CAGE1: variants seen among roughly 807,000 people sequenced by gnomAD.
CAGE1 encodes the protein cancer antigen 1.
A neutral mutation model predicts 94.9 loss-of-function variants in CAGE1; 66 were observed. That is an observed-to-expected ratio of 0.70 (90% CI 0.57 to 0.85). The LOEUF is 0.85. Among genes scored for constraint, CAGE1 ranks in the 40% least tolerant of loss-of-function variants. The probability of loss-of-function intolerance (pLI) is 0.00; values close to 1 mark genes in which losing one functional copy is unlikely to be tolerated. For missense variants in CAGE1, 865 were observed against 950.4 expected, an observed-to-expected ratio of 0.91 and a Z score of 1.18; for synonymous variants, 319 against 321.0, an observed-to-expected ratio of 0.99 and a Z score of 0.07.
In CAGE1 at chr6:7,362,870, C is replaced by T. The variant is rs1760206725; in HGVS notation, c.2193+2598G>A. Among the ~76,000 whole-genome samples the T allele has an allele frequency of 1.3e-5, 2 of 152,200 alleles. No homozygotes were observed. Among genetic ancestry groups the T allele is most frequent in the African/African-American group, 4.8e-5 (2 of 41,462 alleles). On this transcript the variant is annotated intron_variant, in intron 9 of 13. Transcript: ENST00000502583. This position sits in a 1 kb window ranked among gnomAD's most constrained non-coding sequence, Gnocchi z 4.1. ...CCATTACTGTTTTATCTTTCTCCAA[C>T]CCTGCCCCTACACCTACTATGCCAC...
At position 7,368,716 on chromosome 6, in the gene CAGE1, TG is replaced by T; in HGVS notation, c.1975del (p.His659IlefsTer7). ...TTTATCTAAAGTTTTCTTTTTAAGATGGAGGCTCTTCAGTTTTTGCAGCATT... is the reference window on the plus strand; with the variant it reads ...TTTATCTAAAGTTTTCTTTTTAAGATGAGGCTCTTCAGTTTTTGCAGCATT... Reference protein sequence around the residue: ...DIMLQKLKSLHLKKKTLDKEL... With the variant: ...DIMLQKLKSLXLKKKTLDKEL... On this transcript the variant is annotated frameshift_variant, in exon 7 of 14. Coordinates refer to ENST00000502583, the MANE Select transcript of CAGE1 (RefSeq NM_001170692.2). LOFTEE classifies it high-confidence loss of function. The T allele has an allele frequency of 1.3e-6, 2 of 1,538,338 alleles. No individual in the cohort carries two copies. Among genetic ancestry groups the T allele is most frequent in the Non-Finnish European group, 8.8e-7 (1 of 1,138,914 alleles).
Position 7,368,714 on chromosome 6 carries a change from G to T in CAGE1, c.1978C>A (p.Leu660Ile). 6.5e-7 allele frequency: 1 copy of T among 1,534,294 alleles called. No individual in the cohort carries two copies. Among genetic ancestry groups the T allele is most frequent in the Non-Finnish European group, 8.8e-7 (1 of 1,136,346 alleles). ...IMLQKLKSLHLKKKTLDKELL... is the reference protein window; with the variant it reads ...IMLQKLKSLHIKKKTLDKELL... ...TCTTTATCTAAAGTTTTCTTTTTAAGATGGAGGCTCTTCAGTTTTTGCAGC... is the reference window on the plus strand; with the variant it reads ...TCTTTATCTAAAGTTTTCTTTTTAATATGGAGGCTCTTCAGTTTTTGCAGC... Residue 660 changes from leucine to isoleucine, a missense_variant, in exon 7 of 14, where the codon CTT becomes ATT. Physicochemically the swap from Leu to Ile is conservative, Grantham distance 5. Transcript: ENST00000502583.
Position 7,378,988 on chromosome 6 carries a change from G to C in CAGE1, c.316C>G (p.Leu106Val). ...NNIENYSTNA[L>V]IQPVDTISIS... The stretch of plus-strand genomic sequence containing the variant: ...CTGATGGTGTCAACTGGCTGAATTA[G>C]TGCATTCGTTGAGTAATTTTCAATG... Residue 106 changes from leucine to valine, a missense_variant, in exon 4 of 14, where the codon CTA becomes GTA. By Grantham distance (32) the Leu-to-Val change is conservative (BLOSUM62 1). Coordinates refer to ENST00000502583, the MANE Select transcript of CAGE1 (RefSeq NM_001170692.2). 2 of 1,543,166 alleles carry C rather than the reference G, an allele frequency of 1.3e-6. No homozygotes were observed. Among genetic ancestry groups the C allele is most frequent in the East Asian group, 2.4e-5 (1 of 42,168 alleles).
intron 9 of CAGE1, among the ~76,000 whole-genome samples, chr6:7,359,305 C>A (rs1760092157): frequency 6.6e-6 from 1 of 152,204 alleles, no homozygotes; most frequent in South Asian, 2.1e-4. Context: ...CCTCGGCCTC[C>A]CAAAGTGCTG....
chr6:7,364,768 A>G (rs976502930), intron 9 of CAGE1, among the ~76,000 whole-genome samples: 2 of 152,038 alleles, frequency 1.3e-5, no homozygotes, highest in Non-Finnish European at 2.9e-5. Context: ...GCGCCTGGTC[A>G]ATAATTACTT....
intron 3 of CAGE1, among the ~76,000 whole-genome samples, chr6:7,382,620 A>C (rs1441393292): frequency 6.6e-6 from 1 of 151,072 alleles, no homozygotes; most frequent in Non-Finnish European, 1.5e-5. Flanking sequence ...TCATGTCTTA[A>C]GAAATCTTAG....
At position 7,379,031 on chromosome 6, in the gene CAGE1, A is replaced by G; in HGVS notation, c.284-11T>C. 6.8e-7 allele frequency: 1 copy of G among 1,474,094 alleles called. No homozygotes were observed. The highest frequency in any genetic ancestry group is 1.4e-5 in the African/African-American group (1 of 70,376). The allele number at this position is 1,474,094 out of a possible 1,614,324, so 91.3% of individuals were successfully genotyped here. On this transcript the variant is annotated splice_polypyrimidine_tract_variant and intron_variant, in intron 3 of 13. Transcript: ENST00000502583. ...TTTCAATGTTGTTATCTCATAAGAA[A>G]GAGAAAGAAGGAAATAAAAACGAGT...
Position 7,365,505 on chromosome 6 carries a change from T to C in CAGE1, c.2156A>G (p.Asp719Gly), listed in dbSNP as rs1443206338. 3.1e-6 allele frequency: 5 copies of C among 1,613,580 alleles called. No individual in the cohort carries two copies. The highest frequency in any genetic ancestry group is 1.3e-5 in the African/African-American group (1 of 75,038). The change falls in exon 9 of 14, where the codon GAT becomes GGT. Residue 719 changes from aspartate to glycine, a missense_variant. Coordinates refer to ENST00000502583, the MANE Select transcript of CAGE1 (RefSeq NM_001170692.2). ...DVPTLLGAKL[D>G]KYHSLNEELD... ...CTCCTCATTTAGACTGTGGTACTTA[T>C]CCAGTTTGGCTCCCAGAAGGGTAGG...
chr6:7,349,946 AAGAAAG>A (rs1357266280), intron 11 of CAGE1, among the ~76,000 whole-genome samples: 18 of 66,824 alleles, frequency 2.7e-4, no homozygotes, highest in Admixed American at 2.4e-3. Flanking sequence ...AAAAAAAAAA[AAGAAAG>A]AAAGAAAGAA....
Position 7,339,776 on chromosome 6 carries a change from C to T in CAGE1, c.2370-5686G>A, listed in dbSNP as rs1296227240. On this transcript the variant is annotated intron_variant, in intron 11 of 13. Coordinates refer to ENST00000502583, the MANE Select transcript of CAGE1 (RefSeq NM_001170692.2). This position sits in a 1 kb window ranked among gnomAD's most constrained non-coding sequence, Gnocchi z 4.7. ...TCCTTTTTATGGCTGAATAGCATTC[C>T]GTGGTGTATATATATACCACAATTT... Among the ~76,000 whole-genome samples, 2 of 152,112 alleles carry T rather than the reference C, an allele frequency of 1.3e-5. No individual in the cohort carries two copies. The highest frequency in any genetic ancestry group is 2.9e-5 in the Non-Finnish European group (2 of 68,006).
chr6:7,365,784 G>T lies in CAGE1; in HGVS notation c.2085+20C>A, dbSNP rs547599964. 3 of 1,415,466 alleles carry T rather than the reference G, an allele frequency of 2.1e-6. No homozygotes were observed. Among genetic ancestry groups the T allele is most frequent in the African/African-American group, 1.4e-5 (1 of 69,338 alleles). The allele number at this position is 1,415,466 out of a possible 1,614,324, so 87.7% of individuals were successfully genotyped here. Reference sequence around the variant, plus strand: ...TATATTTTTATGTTAAAGATAGTACGTAGTAAATATTAAGCTCACCTTAAT... The same window carrying T: ...TATATTTTTATGTTAAAGATAGTACTTAGTAAATATTAAGCTCACCTTAAT... On this transcript the variant is annotated intron_variant, in intron 8 of 13. Transcript: ENST00000502583.
At chr6:7,380,106 T>G (rs183349559) in intron 3 of CAGE1, among the ~76,000 whole-genome samples, 235 of 152,270 alleles carry the variant, frequency 1.5e-3, no homozygotes, top group Middle Eastern at 6.8e-3. Flanking sequence ...GACTTGCTTT[T>G]TATTATAGCA....
Position 7,368,282 on chromosome 6 carries a change from A to G in CAGE1, c.2004+406T>C, listed in dbSNP as rs559221973. ...AAAAAAAAAAAAAAAAAATTAAAGA[A>G]AAGAGTAACTAAAGACAATCCAAGA... On this transcript the variant is annotated intron_variant, in intron 7 of 13. Coordinates refer to ENST00000502583, the MANE Select transcript of CAGE1 (RefSeq NM_001170692.2). 2.8e-4 allele frequency among the ~76,000 whole-genome samples: 43 copies of G among 151,670 alleles called. No individual in the cohort carries two copies. The East Asian group carries it at 7.5e-3, about 27-fold the overall frequency.
At chr6:7,343,190 CAA>C (rs769864903) in intron 11 of CAGE1, among the ~76,000 whole-genome samples, 1 of 113,482 alleles carries the variant, frequency 8.8e-6, no homozygotes, top group Non-Finnish European at 1.9e-5. Flanking sequence ...CTCTGTCCCA[CAA>C]AAAAAAAAAA....
intron 11 of CAGE1, among the ~76,000 whole-genome samples, chr6:7,334,993 A>T (rs1206982147): frequency 6.6e-6 from 1 of 152,162 alleles, no homozygotes; most frequent in Non-Finnish European, 1.5e-5. Context: ...GTTGGCAGGG[A>T]TGTCCACCCT....
At chr6:7,338,937 A>C (rs1195384637) in intron 11 of CAGE1, 23 of 1,607,074 alleles carry the variant, frequency 1.4e-5, no homozygotes, top group Non-Finnish European at 1.9e-5. Context: ...TTTGGGTTCC[A>C]CGATGCTCAC....
chr6:7,345,085 C>G (rs114000155), intron 11 of CAGE1, among the ~76,000 whole-genome samples: 7 of 152,104 alleles, frequency 4.6e-5, no homozygotes, highest in African/African-American at 7.3e-5. Context: ...TTCTTTCACC[C>G]TGCAGTAAAT....
rs1312321382 is a variant in CAGE1 at position 7,387,111 on chromosome 6, A to G, written c.63T>C (p.Asp21=). Residue 21 remains aspartate (D), a synonymous_variant, in exon 2 of 14, where the codon GAT becomes GAC. Transcript: ENST00000502583. ...TGCTTTCTACTTTTTCATGAGAAGTATCCACTTCAAAATGTACAGGATCTG... is the reference window on the plus strand; with the variant it reads ...TGCTTTCTACTTTTTCATGAGAAGTGTCCACTTCAAAATGTACAGGATCTG... ...SPSDPVHFEV[D]TSHEKVESMS... is the part of the protein sequence containing the mutation. The G allele has an allele frequency of 3.9e-6, 6 of 1,551,394 alleles. No individual in the cohort carries two copies. The highest frequency in any genetic ancestry group is 5.2e-6 in the Non-Finnish European group (6 of 1,146,686).
intron 11 of CAGE1, chr6:7,341,714 A>G: frequency 1.4e-6 from 1 of 702,014 alleles, no homozygotes. Flanking sequence ...CCACTATAGA[A>G]GGGAGCAGGC....
Sources: gnomAD v4.1 joint callset for allele counts (sites outside exome capture counted in the v4.1 genomes callset) on GRCh38, gnomAD v4.1.1 for gene constraint, Gnocchi (gnomAD v3.1) non-coding constraint, MANE v1.5 for transcripts, NCBI Gene and HGNC (gene_info 2026-07-23, HGNC 2026-07-21) for gene names.